ENOX2: variants seen among roughly 807,000 people sequenced by gnomAD.
ENOX2 encodes ecto-NOX disulfide-thiol exchanger 2.
A neutral mutation model predicts 45.0 loss-of-function variants in ENOX2; 36 were observed. The observed-to-expected ratio is 0.80, with a 90% confidence interval of 0.61 to 1.06. ENOX2 has a LOEUF of 1.06. Ranked by LOEUF, ENOX2 falls within the 50% of genes least tolerant of loss-of-function variation. The pLI is 0.00. For synonymous variants in ENOX2, 174 were observed against 152.3 expected (o/e 1.14, Z -1.05); for missense variants, 423 against 462.5 (o/e 0.91, Z 0.78).
intron 2 of ENOX2, among the ~76,000 whole-genome samples, chrX:130,835,514 ATCTG>A (rs1027507826): frequency 1.3e-4 from 14 of 111,388 alleles, no homozygotes; most frequent in Non-Finnish European, 2.4e-4. Flanking sequence ...TAACATACAT[ATCTG>A]TCTATTTAAT....
At chrX:130,654,448 A>AC (rs1425872191) in intron 10 of ENOX2, among the ~76,000 whole-genome samples, 2 of 110,588 alleles carry the variant, frequency 1.8e-5, no homozygotes, top group Non-Finnish European at 3.8e-5. Context: ...AGGGAAAAAA[A>AC]AAAAACAACA....
chrX:130,643,027 A>T (rs2036130323), intron 10 of ENOX2, among the ~76,000 whole-genome samples: 1 of 111,623 alleles, frequency 9.0e-6, no homozygotes, highest in Non-Finnish European at 1.9e-5. Context: ...TAAATAAATG[A>T]CAGCAATGAT....
chrX:130,733,453 TACACTCCTGA>T (rs1407982388), intron 3 of ENOX2, among the ~76,000 whole-genome samples: 1 of 111,085 alleles, frequency 9.0e-6, no homozygotes, highest in Non-Finnish European at 1.9e-5. Flanking sequence ...ACCCCACAAT[TACACTCCTGA>T]ACATTTATCC....
intron 2 of ENOX2, among the ~76,000 whole-genome samples, chrX:130,819,259 G>A (rs745683929): frequency 8.9e-6 from 1 of 111,864 alleles, no homozygotes; most frequent in African/African-American, 3.3e-5. Flanking sequence ...AAACAGGAAC[G>A]CTTTCACACT....
In ENOX2 at chrX:130,878,104, T is replaced by A. The variant is rs775967074; in HGVS notation, c.-183+23580A>T. Among the ~76,000 whole-genome samples, 144 of 112,016 alleles carry A rather than the reference T, an allele frequency of 1.3e-3. 3 individuals are homozygous for A. Among genetic ancestry groups the A allele is most frequent in the Non-Finnish European group, 7.0e-4 (37 of 53,188 alleles). ...ATAGCCCTTCTGTTACTTCCAGTAA[T>A]AAATCCATGTGGAGATGGTCCAAGA... On this transcript the variant is annotated intron_variant, in intron 2 of 14. Coordinates refer to ENST00000394363, the MANE Select transcript of ENOX2 (RefSeq NM_006375.4).
At chrX:130,785,061 T>C (rs2148399620) in intron 2 of ENOX2, among the ~76,000 whole-genome samples, 1 of 109,226 alleles carries the variant, frequency 9.2e-6, no homozygotes, top group East Asian at 2.9e-4. Context: ...CATGGTGGCT[T>C]ACACCTGTAA....
intron 12 of ENOX2, among the ~76,000 whole-genome samples, chrX:130,633,092 G>A (rs1296643188): frequency 9.0e-6 from 1 of 111,614 alleles, no homozygotes; most frequent in Non-Finnish European, 1.9e-5. Context: ...AAAATTAGAA[G>A]GTACATTGAA....
chrX:130,690,435 G>A lies in ENOX2; in HGVS notation c.98-1417C>T, dbSNP rs192470079. Among the ~76,000 whole-genome samples, 367 of 112,404 alleles carry A rather than the reference G, an allele frequency of 3.3e-3. 2 individuals are homozygous for A. Among genetic ancestry groups the A allele is most frequent in the African/African-American group, 0.011 (353 of 30,964 alleles). On this transcript the variant is annotated intron_variant, in intron 4 of 14. Coordinates refer to ENST00000394363, the MANE Select transcript of ENOX2 (RefSeq NM_006375.4). ...CTAGGTCAAAATGGAATTTCTGTGA[G>A]AGAAGGGAGTGCACTTTACTTCTTT...
chrX:130,653,498 C>T (rs2036462005), intron 10 of ENOX2, among the ~76,000 whole-genome samples: 1 of 110,785 alleles, frequency 9.0e-6, no homozygotes, highest in African/African-American at 3.3e-5. Flanking sequence ...GAGCCCCGAC[C>T]CTTTTACTCC....
At chrX:130,694,872 C>G (rs1332057482) in intron 4 of ENOX2, among the ~76,000 whole-genome samples, 3 of 110,965 alleles carry the variant, frequency 2.7e-5, no homozygotes, top group Non-Finnish European at 3.8e-5. Context: ...CAACTTTTAC[C>G]TTTGTGGTAG....
chrX:130,696,749 T>TCACACA (rs918354511), intron 4 of ENOX2, among the ~76,000 whole-genome samples: 3 of 110,350 alleles, frequency 2.7e-5, no homozygotes, highest in African/African-American at 9.9e-5. Flanking sequence ...AACTAGAATG[T>TCACACA]CACACACACA....
At chrX:130,683,453 T>C (rs1242249934) in intron 5 of ENOX2, among the ~76,000 whole-genome samples, 1 of 112,215 alleles carries the variant, frequency 8.9e-6, no homozygotes, top group African/African-American at 3.2e-5. Context: ...CTTTATAGCA[T>C]TCAGCCCTGA....
At chrX:130,669,180 T>C (rs1359580783) in intron 7 of ENOX2, among the ~76,000 whole-genome samples, 16 of 111,984 alleles carry the variant, frequency 1.4e-4, no homozygotes. Flanking sequence ...GGATTGGTGT[T>C]ACCAATAAGA....
intron 3 of ENOX2, among the ~76,000 whole-genome samples, chrX:130,723,990 G>A (rs1252887412): frequency 8.9e-6 from 1 of 111,981 alleles, no homozygotes; most frequent in Non-Finnish European, 1.9e-5. Context: ...CATAGTGAAT[G>A]TACAAATAGC....
intron 3 of ENOX2, among the ~76,000 whole-genome samples, chrX:130,736,590 C>T (rs1043212089): frequency 3.6e-5 from 4 of 111,934 alleles, no homozygotes; most frequent in African/African-American, 1.3e-4. Flanking sequence ...AAAGCAGCCA[C>T]AGACAATATG....
At chrX:130,860,338 T>C (rs1482282596) in intron 2 of ENOX2, among the ~76,000 whole-genome samples, 1 of 111,980 alleles carries the variant, frequency 8.9e-6, no homozygotes, top group East Asian at 2.8e-4. Context: ...CGGATTTCTT[T>C]GGATTTAAAA....
intron 10 of ENOX2, among the ~76,000 whole-genome samples, chrX:130,652,379 C>T (rs200514972): frequency 1.8e-5 from 2 of 111,920 alleles, no homozygotes; most frequent in East Asian, 5.6e-4. Context: ...TTTTGCTCTT[C>T]TTTCACTTGT....
chrX:130,892,435 T>G (rs975705736), intron 2 of ENOX2, among the ~76,000 whole-genome samples: 1 of 112,602 alleles, frequency 8.9e-6, no homozygotes, highest in African/African-American at 3.2e-5. Context: ...CAGACAGTAC[T>G]GCTGGAAGTA....
chrX:130,734,690 T>C (rs2038819515), intron 3 of ENOX2, among the ~76,000 whole-genome samples: 1 of 112,285 alleles, frequency 8.9e-6, no homozygotes, highest in Non-Finnish European at 1.9e-5. Context: ...CACACACAAA[T>C]GATTGCACAG....
Sources: gnomAD v4.1 joint callset for allele counts (sites outside exome capture counted in the v4.1 genomes callset) on GRCh38, gnomAD v4.1.1 for gene constraint, MANE v1.5 for transcripts, NCBI Gene and HGNC (gene_info 2026-07-23, HGNC 2026-07-21) for gene names.